The following BRINP3 variants were observed in gnomAD, a reference collection of about 807,000 sequenced individuals.
BRINP3 encodes the protein BMP/retinoic acid-inducible neural-specific protein 3.
Under a neutral mutation model 71.0 loss-of-function variants are expected in BRINP3, and 19 were observed. The observed-to-expected ratio is 0.27, with a 90% CI of 0.19 to 0.39. The LOEUF is 0.39. Among genes scored for constraint, BRINP3 ranks in the 10% least tolerant of loss-of-function variants. BRINP3 has a pLI of 1.00. For synonymous variants in BRINP3, 380 were observed against 337.7 expected, an observed-to-expected ratio of 1.13 and a Z score of -1.37; for missense variants, 959 against 940.8, an observed-to-expected ratio of 1.02 and a Z score of -0.25.
At chr1:190,377,964 T>A (rs1008302209) in intron 2 of BRINP3, among the ~76,000 whole-genome samples, 4 of 152,126 alleles carry the variant, frequency 2.6e-5, no homozygotes, top group African/African-American at 9.7e-5. Context: ...AAACAATATA[T>A]TGATTCAATA....
intron 6 of BRINP3, among the ~76,000 whole-genome samples, chr1:190,209,456 C>T (rs1405820702): frequency 6.6e-6 from 1 of 152,048 alleles, no homozygotes; most frequent in Non-Finnish European, 1.5e-5. Context: ...GACAGTGATA[C>T]ATACAGTTTT....
At chr1:190,124,996 T>G (rs1653970801) in intron 7 of BRINP3, among the ~76,000 whole-genome samples, 1 of 152,096 alleles carries the variant, frequency 6.6e-6, no homozygotes, top group Admixed American at 6.6e-5. Flanking sequence ...TCATGGAAAT[T>G]AAAGCAGGAT....
intron 2 of BRINP3, among the ~76,000 whole-genome samples, chr1:190,396,805 G>A (rs1302656071): frequency 6.8e-6 from 1 of 146,040 alleles, no homozygotes; most frequent in Non-Finnish European, 1.5e-5. Flanking sequence ...CATCTGCTAA[G>A]CTGGATATGG....
intron 4 of BRINP3, among the ~76,000 whole-genome samples, chr1:190,252,306 T>A (rs186728339): frequency 5.4e-4 from 82 of 152,172 alleles, no homozygotes; most frequent in African/African-American, 1.9e-3. Flanking sequence ...GTGATCTTGA[T>A]GCACTGGAGA....
At chr1:190,455,383 G>A (rs1675916371) in intron 1 of BRINP3, among the ~76,000 whole-genome samples, 1 of 152,044 alleles carries the variant, frequency 6.6e-6, no homozygotes, top group South Asian at 2.1e-4. Context: ...AGATATTCAT[G>A]TAGTTATTTC....
At chr1:190,164,120 A>G (rs1304164980) in intron 6 of BRINP3, among the ~76,000 whole-genome samples, 1 of 152,020 alleles carries the variant, frequency 6.6e-6, no homozygotes, top group East Asian at 1.9e-4. Flanking sequence ...TCAGATACAT[A>G]CCCCCGATTG....
chr1:190,420,001 G>T (rs1184425239), intron 2 of BRINP3, among the ~76,000 whole-genome samples: 1 of 151,832 alleles, frequency 6.6e-6, no homozygotes, highest in South Asian at 2.1e-4. Context: ...AGCCAAATTT[G>T]GGGACCAAAG....
At chr1:190,216,608 G>T (rs576202417) in intron 6 of BRINP3, among the ~76,000 whole-genome samples, 2 of 151,858 alleles carry the variant, frequency 1.3e-5, no homozygotes, top group Non-Finnish European at 3.0e-5. Context: ...GCCCATTACA[G>T]AACAAAATGA....
In BRINP3 at chr1:190,471,473, T is replaced by C. The variant is rs375672598; in HGVS notation, c.-51+5975A>G. On this transcript the variant is annotated intron_variant, in intron 1 of 7. Transcript: ENST00000367462. Reference sequence around the variant, plus strand: ...TATTAACACTAAAATAATAAAGTTATACAGAACACATAGTAGTGCATGAAG... The same window carrying C: ...TATTAACACTAAAATAATAAAGTTACACAGAACACATAGTAGTGCATGAAG... Among the ~76,000 whole-genome samples the C allele has an allele frequency of 5.3e-5, 8 of 151,482 alleles. No homozygotes were observed. The East Asian group carries it at 1.4e-3, about 26-fold the overall frequency.
Position 190,225,856 on chromosome 1 carries a change from T to C in BRINP3, c.961+226A>G, listed in dbSNP as rs571340246. Among the ~76,000 whole-genome samples, 17 of 152,086 alleles carry C rather than the reference T, an allele frequency of 1.1e-4. No individual in the cohort carries two copies. The South Asian group carries it at 2.1e-3, about 19-fold the overall frequency. ...AGAACTTTATTTATTAAGTGACTAA[T>C]ACATCAACTTAGGATCAGGCTAAAC... On this transcript the variant is annotated intron_variant, in intron 6 of 7. Transcript: ENST00000367462.
At chr1:190,160,318 A>G (rs567840626) in intron 7 of BRINP3, among the ~76,000 whole-genome samples, 64 of 152,092 alleles carry the variant, frequency 4.2e-4, no homozygotes, top group African/African-American at 1.3e-3. Flanking sequence ...TTAATTTCTC[A>G]TCCTGTTTGT....
intron 7 of BRINP3, among the ~76,000 whole-genome samples, chr1:190,107,027 G>A (rs1314858126): frequency 6.6e-6 from 1 of 151,846 alleles, no homozygotes; most frequent in African/African-American, 2.4e-5. Flanking sequence ...TCTCAATGCT[G>A]AATATCAGCT....
At chr1:190,205,963 A>G (rs1655458583) in intron 6 of BRINP3, among the ~76,000 whole-genome samples, 1 of 151,974 alleles carries the variant, frequency 6.6e-6, no homozygotes, top group Non-Finnish European at 1.5e-5. Flanking sequence ...ATGACAAATT[A>G]CAATTAGATA....
At chr1:190,470,514 T>A (rs559332554) in intron 1 of BRINP3, among the ~76,000 whole-genome samples, 9 of 151,178 alleles carry the variant, frequency 6.0e-5, no homozygotes, top group African/African-American at 2.2e-4. Flanking sequence ...TCTGAGTTAA[T>A]TAGGGTTTAG....
chr1:190,273,954 C>T (rs1425457661), intron 3 of BRINP3, among the ~76,000 whole-genome samples: 2 of 151,542 alleles, frequency 1.3e-5, no homozygotes, highest in Admixed American at 6.6e-5. Flanking sequence ...TTGTAGAGAA[C>T]AACTATGAGC....
chr1:190,419,594 A>G (rs1479837132), intron 2 of BRINP3, among the ~76,000 whole-genome samples: 1 of 151,906 alleles, frequency 6.6e-6, no homozygotes, highest in African/African-American at 2.4e-5. Flanking sequence ...CACCAAGTGA[A>G]CAAAGACAGA....
intron 2 of BRINP3, among the ~76,000 whole-genome samples, chr1:190,437,767 C>T (rs1236759259): frequency 7.3e-5 from 11 of 151,454 alleles, no homozygotes; most frequent in Non-Finnish European, 1.3e-4. Context: ...CTGTTAAATA[C>T]TGTTAAAAAA....
At chr1:190,415,606 A>T (rs1336045332) in intron 2 of BRINP3, among the ~76,000 whole-genome samples, 1 of 152,188 alleles carries the variant, frequency 6.6e-6, no homozygotes, top group East Asian at 1.9e-4. Flanking sequence ...TATAATTCAG[A>T]TTTTAAAAAA....
At chr1:190,242,551 A>G (rs1659207411) in intron 4 of BRINP3, among the ~76,000 whole-genome samples, 2 of 152,100 alleles carry the variant, frequency 1.3e-5, no homozygotes, top group Admixed American at 1.3e-4. Flanking sequence ...ATCTATGCAA[A>G]TTACTTGAAG....
Sources: gnomAD v4.1 joint callset for allele counts (sites outside exome capture counted in the v4.1 genomes callset) on GRCh38, gnomAD v4.1.1 for gene constraint, MANE v1.5 for transcripts, NCBI Gene and HGNC (gene_info 2026-07-23, HGNC 2026-07-21) for gene names.